DMD: variants seen among roughly 807,000 people sequenced by gnomAD.
The protein encoded by DMD is mutant dystrophin.
A neutral mutation model predicts 330.1 loss-of-function variants in DMD; 63 were observed. The ratio of observed to expected loss-of-function variants is 0.19; its 90% confidence interval spans 0.16 to 0.24. DMD has a LOEUF of 0.24. Among genes scored for constraint, DMD ranks in the 10% least tolerant of loss-of-function variants. DMD has a pLI of 1.00. For synonymous variants in DMD, 1,223 were observed against 959.8 expected, an observed-to-expected ratio of 1.27 and a Z score of -5.07; for missense variants, 3,344 against 2,684.1, an observed-to-expected ratio of 1.25 and a Z score of -5.43.
chrX:32,954,004 T>C (rs1211947651), intron 2 of DMD, among the ~76,000 whole-genome samples: 1 of 112,042 alleles, frequency 8.9e-6, no homozygotes, highest in Non-Finnish European at 1.9e-5. Flanking sequence ...CAAAGGCATG[T>C]TAATATGTCT....
intron 1 of DMD, among the ~76,000 whole-genome samples, chrX:33,229,124 C>A (rs749151318): frequency 9.0e-6 from 1 of 110,863 alleles, no homozygotes; most frequent in Non-Finnish European, 1.9e-5. Flanking sequence ...GTTTTTGCAA[C>A]TGATATGCAA....
intron 44 of DMD, among the ~76,000 whole-genome samples, chrX:32,169,825 T>A (rs181011039): frequency 9.1e-6 from 1 of 110,086 alleles, no homozygotes; most frequent in African/African-American, 3.3e-5. Flanking sequence ...GTGACATTTT[T>A]TTCCTCGCAT....
chrX:32,554,943 G>GAA (rs1569190988), intron 16 of DMD, among the ~76,000 whole-genome samples: 61 of 18,290 alleles, frequency 3.3e-3, no homozygotes, highest in African/African-American at 0.028. Flanking sequence ...GAAAGAAAGA[G>GAA]AGAGAGAGGG....
chrX:32,560,572 T>C (rs938612674), intron 16 of DMD, among the ~76,000 whole-genome samples: 1 of 110,987 alleles, frequency 9.0e-6, no homozygotes, highest in East Asian at 2.8e-4. Flanking sequence ...ATCCGTTAGC[T>C]ATTTTTCCTG....
chrX:31,206,756 A>T, intron 65 of DMD, 89 bp from the exon 66 acceptor site: 1 of 736,620 alleles, frequency 1.4e-6, no homozygotes, highest in East Asian at 3.4e-5. Flanking sequence ...TTGAAAAGGA[A>T]AAATAAAGGA....
chrX:32,292,302 C>CT lies in DMD; in HGVS notation c.6118-4602dup, dbSNP rs10652780. ...AACAAATATCAACAAAGGGAATATT[C>CT]TTTTTTTTTTTTTTTTGAGATGGAG... On this transcript the variant is annotated intron_variant, in intron 42 of 78. Coordinates refer to ENST00000357033, the MANE Select transcript of DMD (RefSeq NM_004006.3). Among the ~76,000 whole-genome samples, 48 of 62,905 alleles carry CT rather than the reference C, an allele frequency of 7.6e-4. 5 individuals are homozygous for CT. Among genetic ancestry groups the CT allele is most frequent in the South Asian group, 4.3e-3 (4 of 932 alleles). The allele number at this position is 62,905 out of a possible 115,157, so 54.6% of individuals were successfully genotyped here.
chrX:32,159,633 C>A (rs906768779), intron 44 of DMD, among the ~76,000 whole-genome samples: 7 of 111,643 alleles, frequency 6.3e-5, no homozygotes, highest in African/African-American at 1.3e-4. Flanking sequence ...TGATGTCAAA[C>A]CTAAAACTAC....
chrX:32,143,867 T>C (rs981312353), intron 44 of DMD, among the ~76,000 whole-genome samples: 2 of 110,283 alleles, frequency 1.8e-5, no homozygotes, highest in Non-Finnish European at 3.8e-5. Context: ...CATCTTTATA[T>C]GTTTACTGTC....
chrX:32,675,967 C>A (rs1205376082), intron 9 of DMD, among the ~76,000 whole-genome samples: 1 of 111,208 alleles, frequency 9.0e-6, no homozygotes, highest in Admixed American at 9.6e-5. Context: ...CAGGAAGGAG[C>A]TTAGGCTAAT....
chrX:31,733,009 G>A (rs2086622451), intron 51 of DMD, among the ~76,000 whole-genome samples: 2 of 111,352 alleles, frequency 1.8e-5, no homozygotes. Flanking sequence ...CAAAACACAG[G>A]AGAAGGAAGG....
At chrX:32,375,110 T>C (rs2097896541) in intron 34 of DMD, among the ~76,000 whole-genome samples, 1 of 110,864 alleles carries the variant, frequency 9.0e-6, no homozygotes, top group South Asian at 4.0e-4. Flanking sequence ...AGGCTAACTT[T>C]TGGTTCCACT....
intron 11 of DMD, among the ~76,000 whole-genome samples, chrX:32,624,977 C>G (rs895538844): frequency 1.8e-5 from 2 of 111,087 alleles, no homozygotes; most frequent in Admixed American, 1.9e-4. Flanking sequence ...TCGAAAGCAT[C>G]CTGGCCAACA....
intron 1 of DMD, among the ~76,000 whole-genome samples, chrX:33,037,465 A>G: frequency 9.0e-6 from 1 of 111,511 alleles, no homozygotes; most frequent in Admixed American, 9.6e-5. Context: ...CCTTGTCTGC[A>G]TAGGGCCATT....
chrX:33,050,533 G>T (rs965289123), intron 1 of DMD, among the ~76,000 whole-genome samples: 1 of 111,641 alleles, frequency 9.0e-6, no homozygotes, highest in Non-Finnish European at 1.9e-5. Flanking sequence ...ATTTTGAGAC[G>T]TCCAGGTCAA....
Position 31,261,065 on chromosome X carries a change from C to A in DMD, c.9225-49G>T, listed in dbSNP as rs374854711. ...GACTTTAGCATTTACAATGAGTAGTCAAGAAAACAGGAAAAAAGAAAACAA... is the reference window on the plus strand; with the variant it reads ...GACTTTAGCATTTACAATGAGTAGTAAAGAAAACAGGAAAAAAGAAAACAA... On this transcript the variant is annotated intron_variant, in intron 62 of 78. Transcript: ENST00000357033. 3.5e-5 allele frequency: 37 copies of A among 1,066,501 alleles called. 1 individual carries two copies. Among genetic ancestry groups the A allele is most frequent in the Middle Eastern group, 4.9e-4 (2 of 4,067 alleles). 87.9% of individuals were successfully genotyped at this position (1,066,501 alleles called of 1,213,427 possible). A position where few individuals can be genotyped will look rare whatever the true frequency, so the allele number is the denominator to read the frequency against.
At chrX:32,042,150 CAT>C (rs1569536002) in intron 44 of DMD, among the ~76,000 whole-genome samples, 54 of 89,790 alleles carry the variant, frequency 6.0e-4, no homozygotes, top group East Asian at 5.1e-3. Flanking sequence ...TACATATATA[CAT>C]ACATATACAC....
At chrX:32,870,958 CAAAAAAAAAAAAAAAAA>C (rs745583714) in intron 2 of DMD, among the ~76,000 whole-genome samples, 2 of 14,770 alleles carry the variant, frequency 1.4e-4, no homozygotes, top group East Asian at 6.2e-3. Context: ...TTCTGTACAG[CAAAAAAAAAAAAAAAAA>C]AAAAAAAAAA....
At position 32,839,705 on chromosome X, in the gene DMD, A is replaced by G. The variant is rs181334038; in HGVS notation, c.264+5078T>C. Among the ~76,000 whole-genome samples, 294 of 102,792 alleles carry G rather than the reference A, an allele frequency of 2.9e-3. 5 individuals are homozygous for G. The Admixed American group carries it at 0.03, about 10-fold the overall frequency. 89.3% of individuals were successfully genotyped at this position (102,792 alleles called of 115,157 possible). A position where few individuals can be genotyped will look rare whatever the true frequency, so the allele number is the denominator to read the frequency against. The stretch of plus-strand genomic sequence containing the variant: ...TTCCATTTTTGTTTATACTTATGAC[A>G]AAATGGAGAATTATAAGATAATGCA... On this transcript the variant is annotated intron_variant, in intron 4 of 78. Coordinates refer to ENST00000357033, the MANE Select transcript of DMD (RefSeq NM_004006.3).
intron 47 of DMD, among the ~76,000 whole-genome samples, chrX:31,884,666 G>A (rs144493214): frequency 0.011 from 1,277 of 111,994 alleles, 9 homozygotes; most frequent in Non-Finnish European, 0.019. Flanking sequence ...TAATAAGTAT[G>A]TAAGGTAATG....
Sources: allele counts gnomAD v4.1 joint callset (sites outside exome capture counted in the v4.1 genomes callset), GRCh38; gene constraint gnomAD v4.1.1; transcripts MANE v1.5; gene names NCBI Gene and HGNC (gene_info 2026-07-23, HGNC 2026-07-21).